Variants in MGMT observed in about 807,000 individuals in gnomAD.
MGMT encodes the protein methylated-DNA--protein-cysteine methyltransferase.
Under a neutral mutation model 15.9 loss-of-function variants are expected in MGMT, and 14 were observed. The ratio of observed to expected loss-of-function variants is 0.88; its 90% CI spans 0.58 to 1.37. The LOEUF (loss-of-function observed/expected upper bound fraction) is 1.37. Among genes scored for constraint, MGMT ranks in the 40% most tolerant of loss-of-function variants. The probability of loss-of-function intolerance (pLI) is 0.00; values close to 1 mark genes in which losing one functional copy is unlikely to be tolerated. For synonymous variants in MGMT, 130 were observed against 118.2 expected (o/e 1.10, Z -0.65); for missense variants, 282 against 268.1 (o/e 1.05, Z -0.36).
At position 129,767,088 on chromosome 10, in the gene MGMT, T is replaced by A. The variant is rs1848947975; in HGVS notation, c.*91T>A. The stretch of plus-strand genomic sequence containing the variant: ...GGAGGCACCGCTGTATTAAAGGAAG[T>A]GGCAGTGTCCTGGGAACAAGCGTGT... On this transcript the variant is annotated 3_prime_UTR_variant, in exon 5 of 5. Coordinates refer to ENST00000651593, the MANE Select transcript of MGMT (RefSeq NM_002412.5). The A allele has an allele frequency of 2.7e-6, 3 of 1,128,238 alleles. No homozygotes were observed. The highest frequency in any genetic ancestry group is 3.7e-6 in the Non-Finnish European group (3 of 812,130). The allele number at this position is 1,128,238 out of a possible 1,614,324, so 69.9% of individuals were successfully genotyped here.
chr10:129,599,911 C>T (rs1589887268), intron 2 of MGMT, among the ~76,000 whole-genome samples: 1 of 152,210 alleles, frequency 6.6e-6, no homozygotes, highest in African/African-American at 2.4e-5. Context: ...GTGCATATCC[C>T]TGCAACGTTT....
intron 2 of MGMT, among the ~76,000 whole-genome samples, chr10:129,625,401 T>A (rs1030368829): frequency 5.3e-5 from 8 of 152,216 alleles, no homozygotes; most frequent in African/African-American, 1.9e-4. Context: ...TGCCAAGATG[T>A]GTCAAGGATG....
At chr10:129,486,084 A>G (rs1252973747) in intron 1 of MGMT, among the ~76,000 whole-genome samples, 2 of 152,154 alleles carry the variant, frequency 1.3e-5, no homozygotes, top group Non-Finnish European at 2.9e-5. Context: ...TCTCATGGAA[A>G]CAGAGTTGAA....
At chr10:129,548,689 G>C (rs1052424653) in intron 2 of MGMT, among the ~76,000 whole-genome samples, 4 of 152,246 alleles carry the variant, frequency 2.6e-5, no homozygotes, top group Admixed American at 2.6e-4. Flanking sequence ...CCTGTGGGCC[G>C]TGCAGGGTGC....
rs1394217097 is a variant in MGMT at position 129,559,750 on chromosome 10, T to C, written c.125+23373T>C. ...AGTTTTTTAAATTTATGATTGAAAT[T>C]AGCAATTTTATTAGGTCCTTTTAAA... On this transcript the variant is annotated intron_variant, in intron 2 of 4. Transcript: ENST00000651593. Among the ~76,000 whole-genome samples the C allele has an allele frequency of 2.0e-5, 3 of 152,208 alleles. No homozygotes were observed. In the East Asian group the frequency reaches 5.8e-4, roughly 29 times the overall value.
intron 3 of MGMT, among the ~76,000 whole-genome samples, chr10:129,740,798 A>G (rs1848622909): frequency 6.6e-6 from 1 of 152,162 alleles, no homozygotes; most frequent in Non-Finnish European, 1.5e-5. Context: ...TGCAGAGTGG[A>G]TGATGGGGGA....
chr10:129,530,266 C>G (rs1181286017), intron 1 of MGMT, among the ~76,000 whole-genome samples: 2 of 152,140 alleles, frequency 1.3e-5, no homozygotes, highest in Non-Finnish European at 2.9e-5. Flanking sequence ...CTGTAGAAAG[C>G]TGAGAGAATG....
intron 2 of MGMT, among the ~76,000 whole-genome samples, chr10:129,550,646 C>T (rs1015708595): frequency 7.2e-5 from 11 of 152,050 alleles, no homozygotes; most frequent in Non-Finnish European, 1.3e-4. Flanking sequence ...GGGGTTTCAC[C>T]GTGTTGCCAG....
rs184949150 is a variant in MGMT at position 129,697,351 on chromosome 10, A to G, written c.126-10544A>G. 9.2e-5 allele frequency among the ~76,000 whole-genome samples: 14 copies of G among 152,314 alleles called. No homozygotes were observed. In the East Asian group the frequency reaches 1.5e-3, roughly 17 times the overall value. ...TGATGAGGAGTGACCACTGGCTTCC[A>G]TTTCAAAGAGGAGAGCTGGAGTGCT... On this transcript the variant is annotated intron_variant, in intron 2 of 4. Transcript: ENST00000651593.
chr10:129,623,035 C>T (rs1048396716), intron 2 of MGMT, among the ~76,000 whole-genome samples: 6 of 152,150 alleles, frequency 3.9e-5, no homozygotes, highest in African/African-American at 7.2e-5. Context: ...AGGAGCCAGC[C>T]GGATGGCATC....
intron 3 of MGMT, among the ~76,000 whole-genome samples, chr10:129,739,207 G>T (rs1454747877): frequency 6.6e-6 from 1 of 152,128 alleles, no homozygotes; most frequent in African/African-American, 2.4e-5. Flanking sequence ...ATACTGAATG[G>T]GCAAAACTGG....
chr10:129,572,990 C>A (rs765692108), intron 2 of MGMT, among the ~76,000 whole-genome samples: 1 of 152,144 alleles, frequency 6.6e-6, no homozygotes, highest in Non-Finnish European at 1.5e-5. Context: ...TCTATACTTG[C>A]ACAAGTCTGT....
chr10:129,754,986 G>A (rs1048677181), intron 3 of MGMT, among the ~76,000 whole-genome samples: 1 of 152,226 alleles, frequency 6.6e-6, no homozygotes, highest in Admixed American at 6.5e-5. Flanking sequence ...GGCTCAGGCT[G>A]TAGTAAGTTC....
intron 2 of MGMT, among the ~76,000 whole-genome samples, chr10:129,607,044 G>A (rs1846899565): frequency 6.6e-6 from 1 of 152,130 alleles, no homozygotes; most frequent in South Asian, 2.1e-4. Context: ...TTGCCCTATG[G>A]TAGCTTCACA....
intron 3 of MGMT, among the ~76,000 whole-genome samples, chr10:129,716,179 C>T (rs1318556067): frequency 6.6e-6 from 1 of 152,198 alleles, no homozygotes; most frequent in Non-Finnish European, 1.5e-5. Context: ...CTCTTAAACA[C>T]TTGACTCCGT....
intron 4 of MGMT, among the ~76,000 whole-genome samples, chr10:129,766,489 T>A (rs1192833412): frequency 6.6e-6 from 1 of 152,162 alleles, no homozygotes; most frequent in East Asian, 1.9e-4. Context: ...CCGGATGAAA[T>A]TAAGTTTTCT....
At chr10:129,572,664 C>T (rs1032182359) in intron 2 of MGMT, among the ~76,000 whole-genome samples, 3 of 152,254 alleles carry the variant, frequency 2.0e-5, no homozygotes, top group Non-Finnish European at 4.4e-5. Context: ...GAAATCTTTC[C>T]ACTCAGTGTA....
chr10:129,721,801 G>T (rs1190623562), intron 3 of MGMT, among the ~76,000 whole-genome samples: 1 of 142,682 alleles, frequency 7.0e-6, no homozygotes, highest in Non-Finnish European at 1.5e-5. Flanking sequence ...AAAATAGAAT[G>T]CTAATTCTTT....
chr10:129,591,744 A>C (rs1434553199), intron 2 of MGMT, among the ~76,000 whole-genome samples: 1 of 152,202 alleles, frequency 6.6e-6, no homozygotes, highest in African/African-American at 2.4e-5. Context: ...AGCCTGGCCA[A>C]CATAGTGAAA....
Sources: gnomAD v4.1 joint callset for allele counts (sites outside exome capture counted in the v4.1 genomes callset) on GRCh38, gnomAD v4.1.1 for gene constraint, MANE v1.5 for transcripts, NCBI Gene and HGNC (gene_info 2026-07-23, HGNC 2026-07-21) for gene names.